The following RPS6KA6 variants were observed in gnomAD, a reference collection of about 807,000 sequenced individuals.
The protein encoded by RPS6KA6 is ribosomal protein S6 kinase A6.
A neutral mutation model predicts 65.4 loss-of-function variants in RPS6KA6; 27 were observed. The ratio of observed to expected loss-of-function variants is 0.41; its 90% CI spans 0.30 to 0.57. The LOEUF (loss-of-function observed/expected upper bound fraction) is 0.57, where lower values mean the gene tolerates loss of function less well. RPS6KA6 is among the 20% of genes least tolerant of loss of function. RPS6KA6 has a pLI of 0.24. For missense variants in RPS6KA6, 486 were observed against 555.6 expected (o/e 0.87, Z 1.26); for synonymous variants, 190 against 184.2 (o/e 1.03, Z -0.26).
intron 6 of RPS6KA6, among the ~76,000 whole-genome samples, chrX:84,144,632 G>C (rs2035167417): frequency 1.8e-5 from 2 of 111,058 alleles, no homozygotes; most frequent in Non-Finnish European, 3.8e-5. Context: ...GTCTTTAAAA[G>C]TTAAACATAT....
intron 1 of RPS6KA6, among the ~76,000 whole-genome samples, chrX:84,176,825 TA>T (rs1157454422): frequency 8.9e-6 from 1 of 111,849 alleles, no homozygotes; most frequent in Non-Finnish European, 1.9e-5. Flanking sequence ...GGAAAAAATT[TA>T]AAAACTAAAA....
intron 20 of RPS6KA6, among the ~76,000 whole-genome samples, chrX:84,078,960 T>C (rs2033724092): frequency 9.0e-6 from 1 of 111,324 alleles, no homozygotes; most frequent in South Asian, 3.8e-4. Flanking sequence ...TACCCCACTA[T>C]AGTTGCTTAA....
intron 1 of RPS6KA6, among the ~76,000 whole-genome samples, chrX:84,179,363 G>T (rs375093787): frequency 2.7e-5 from 3 of 111,216 alleles, no homozygotes; most frequent in African/African-American, 9.8e-5. Flanking sequence ...TGTCCAAACC[G>T]AAATTTTCAT....
At chrX:84,151,110 G>GAT (rs1420040391) in intron 3 of RPS6KA6, among the ~76,000 whole-genome samples, 1 of 97,456 alleles carries the variant, frequency 1.0e-5, no homozygotes, top group Non-Finnish European at 2.0e-5. Flanking sequence ...GATATATATA[G>GAT]ATATATATAG....
At chrX:84,094,639 C>T (rs564741004) in intron 20 of RPS6KA6, among the ~76,000 whole-genome samples, 5 of 108,359 alleles carry the variant, frequency 4.6e-5, no homozygotes, top group Admixed American at 9.9e-5. Flanking sequence ...AGCAAGACTC[C>T]GTCTCAAAAA....
chrX:84,140,105 G>C (rs1048852386), intron 6 of RPS6KA6, among the ~76,000 whole-genome samples: 1 of 111,670 alleles, frequency 9.0e-6, no homozygotes, highest in Non-Finnish European at 1.9e-5. Flanking sequence ...TATGAGTGAG[G>C]ACATTACCCT....
chrX:84,084,420 T>A (rs1697696830), intron 20 of RPS6KA6, among the ~76,000 whole-genome samples: 1 of 112,337 alleles, frequency 8.9e-6, no homozygotes, highest in South Asian at 3.6e-4. Context: ...GTTTCAATTT[T>A]CTGCATATGG....
At chrX:84,094,292 C>A (rs1424010569) in intron 20 of RPS6KA6, among the ~76,000 whole-genome samples, 1 of 81,457 alleles carries the variant, frequency 1.2e-5, no homozygotes, top group Non-Finnish European at 2.3e-5. Flanking sequence ...TGGCAATGGG[C>A]TAACTGCCTT....
intron 8 of RPS6KA6, among the ~76,000 whole-genome samples, chrX:84,133,721 TATAAA>T (rs1207334025): frequency 3.6e-5 from 4 of 111,941 alleles, no homozygotes; most frequent in African/African-American, 9.7e-5. Context: ...TTTTAATTGC[TATAAA>T]ATAAAATTTA....
At chrX:84,184,570 A>T (rs758662930) in intron 1 of RPS6KA6, among the ~76,000 whole-genome samples, 1 of 111,485 alleles carries the variant, frequency 9.0e-6, no homozygotes, top group South Asian at 3.8e-4. Flanking sequence ...CTCGGACAAG[A>T]ACCCAGATTT....
At chrX:84,066,494 G>A (rs1260886275) in intron 20 of RPS6KA6, among the ~76,000 whole-genome samples, 1 of 110,694 alleles carries the variant, frequency 9.0e-6, no homozygotes, top group Non-Finnish European at 1.9e-5. Flanking sequence ...TGCTAAGGGG[G>A]CCGGGAGGTT....
rs919314830 is a variant in RPS6KA6 at position 84,063,343 on chromosome X, C to A, written c.*934G>T. The A allele has an allele frequency of 1.8e-5, 2 of 110,961 alleles. No homozygotes were observed. Among genetic ancestry groups the A allele is most frequent in the Non-Finnish European group, 3.8e-5 (2 of 52,889 alleles). The allele number at this position is 110,961 out of a possible 1,213,427, so 9.1% of individuals were successfully genotyped here. A position where few individuals can be genotyped will look rare whatever the true frequency, so the allele number is the denominator to read the frequency against. On this transcript the variant is annotated 3_prime_UTR_variant, in exon 22 of 22. Transcript: ENST00000262752. ...TGCTACACTGTACTTCAAAGCACAT[C>A]GAAGTCAGAAAAACAACAGTGTAGT...
rs963276886 is a variant in RPS6KA6, at chrX:84,059,767, T to C, written c.*4510A>G. The C allele has an allele frequency of 8.9e-6, 1 of 112,093 alleles. No individual in the cohort carries two copies. Among genetic ancestry groups the C allele is most frequent in the Non-Finnish European group, 1.9e-5 (1 of 53,254 alleles). The allele number at this position is 112,093 out of a possible 1,213,427, so 9.2% of individuals were successfully genotyped here. A position where few individuals can be genotyped will look rare whatever the true frequency, so the allele number is the denominator to read the frequency against. On this transcript the variant is annotated 3_prime_UTR_variant, in exon 22 of 22. Transcript: ENST00000262752. ...ACAGTCATCCACAGAAGCTCTATTG[T>C]CCAGCGTTTAGAAATGTGAATACAA...
intron 12 of RPS6KA6, among the ~76,000 whole-genome samples, chrX:84,111,095 A>C (rs940941372): frequency 9.2e-6 from 1 of 108,864 alleles, no homozygotes; most frequent in Non-Finnish European, 1.9e-5. Context: ...CATGCATAAG[A>C]AATAATTTTG....
At chrX:84,093,019 C>A (rs922643355) in intron 20 of RPS6KA6, among the ~76,000 whole-genome samples, 2 of 112,022 alleles carry the variant, frequency 1.8e-5, no homozygotes, top group African/African-American at 6.5e-5. Context: ...AGAATGAAAT[C>A]CTATCATTTG....
chrX:84,183,795 T>C (rs927095495), intron 1 of RPS6KA6, among the ~76,000 whole-genome samples: 2 of 111,008 alleles, frequency 1.8e-5, no homozygotes, highest in African/African-American at 6.6e-5. Context: ...ACCAGATCCA[T>C]TCCTAAACCA....
At chrX:84,150,733 T>A (rs2035284954) in intron 3 of RPS6KA6, among the ~76,000 whole-genome samples, 1 of 104,779 alleles carries the variant, frequency 9.5e-6, no homozygotes, top group Admixed American at 1.1e-4. Flanking sequence ...GATATAACAG[T>A]AAGGAAAACA....
intron 8 of RPS6KA6, among the ~76,000 whole-genome samples, 168 bp from the exon 9 acceptor site, chrX:84,120,195 T>C (rs985840797): frequency 3.6e-5 from 4 of 111,539 alleles, no homozygotes; most frequent in African/African-American, 1.3e-4. Context: ...CTGTATTTCA[T>C]AACAATACTC....
chrX:84,184,774 C>T (rs918726079), intron 1 of RPS6KA6, among the ~76,000 whole-genome samples: 5 of 95,425 alleles, frequency 5.2e-5, no homozygotes, highest in Non-Finnish European at 8.1e-5. Context: ...TTGTTTGAGT[C>T]CAGGAGTTCG....
Sources: allele counts gnomAD v4.1 joint callset (sites outside exome capture counted in the v4.1 genomes callset), GRCh38; gene constraint gnomAD v4.1.1; transcripts MANE v1.5; gene names NCBI Gene and HGNC (gene_info 2026-07-23, HGNC 2026-07-21).